Variants in FBXO42 observed in about 807,000 individuals in gnomAD.
FBXO42 encodes F-box only protein 42.
A neutral mutation model predicts 71.7 loss-of-function variants in FBXO42; 12 were observed. The ratio of observed to expected loss-of-function variants is 0.17; its 90% CI spans 0.11 to 0.27. The LOEUF (loss-of-function observed/expected upper bound fraction) is 0.27. Among genes scored for constraint, FBXO42 ranks in the 10% least tolerant of loss-of-function variants. The pLI is 1.00. For missense variants in FBXO42, 707 were observed against 911.9 expected, an observed-to-expected ratio of 0.78 and a Z score of 2.89; for synonymous variants, 325 against 327.5, an observed-to-expected ratio of 0.99 and a Z score of 0.08.
At chr1:16,345,833 G>A (rs140310238) in intron 1 of FBXO42, among the ~76,000 whole-genome samples, 2,849 of 142,196 alleles carry the variant, frequency 0.02, 75 homozygotes, top group African/African-American at 0.07. Context: ...GGGCGACAGA[G>A]CGAGACTCCG....
chr1:16,251,768 C>A lies in FBXO42; in HGVS notation c.1056G>T (p.Val352=), dbSNP rs2081594739. The A allele has an allele frequency of 6.2e-7, 1 of 1,613,312 alleles. No homozygotes were observed. Among genetic ancestry groups the A allele is most frequent in the Admixed American group, 1.7e-5 (1 of 59,990 alleles). The change falls in exon 10 of 10, where the codon GTG becomes GTT. Residue 352 remains valine (V), a synonymous_variant. Transcript: ENST00000375592. This position sits in a 1 kb window ranked among gnomAD's most constrained non-coding sequence, Gnocchi z 4.5. ...TCCCACTAGGAGCCTGGCTGAAGACCACCACACACTGTCCCACCTGGAAGA... is the reference window on the plus strand; with the variant it reads ...TCCCACTAGGAGCCTGGCTGAAGACAACCACACACTGTCCCACCTGGAAGA... ...HPACRVGQCV[V]VFSQAPSGRA...
chr1:16,261,722 T>C (rs1032052207), intron 4 of FBXO42, among the ~76,000 whole-genome samples: 2 of 151,916 alleles, frequency 1.3e-5, no homozygotes, highest in Non-Finnish European at 2.9e-5. Flanking sequence ...TTTTTGTTTT[T>C]GAGACGCGTC....
At chr1:16,271,921 C>T (rs1186514041) in intron 4 of FBXO42, among the ~76,000 whole-genome samples, 2 of 150,386 alleles carry the variant, frequency 1.3e-5, no homozygotes, top group Non-Finnish European at 3.0e-5. Flanking sequence ...GGTGGATCAC[C>T]TGAGGTCAGG....
intron 3 of FBXO42, among the ~76,000 whole-genome samples, chr1:16,298,068 T>C (rs2082150407): frequency 6.6e-6 from 1 of 150,772 alleles, no homozygotes; most frequent in African/African-American, 2.4e-5. Context: ...CTACTAAAAA[T>C]ACAAAAATTG....
intron 2 of FBXO42, among the ~76,000 whole-genome samples, chr1:16,313,783 T>A (rs562171834): frequency 6.6e-6 from 1 of 152,180 alleles, no homozygotes; most frequent in African/African-American, 2.4e-5. Context: ...AAAGAACACA[T>A]TGAGACAACC....
chr1:16,271,465 G>C (rs1283334736), intron 4 of FBXO42, among the ~76,000 whole-genome samples: 1 of 151,942 alleles, frequency 6.6e-6, no homozygotes, highest in Non-Finnish European at 1.5e-5. Flanking sequence ...ATTTTAAGTA[G>C]AGATGGGGTT....
chr1:16,294,841 G>A lies in FBXO42; in HGVS notation c.444C>T (p.Phe148=). The A allele has an allele frequency of 6.2e-7, 1 of 1,614,078 alleles. No homozygotes were observed. ...GCTQSSCNAA[F]NDLWRLDLNS... ...TTAGGTCAAGTCTCCAGAGGTCATTGAAAGCAGCATTGCAGCTGCTCTGGG... is the reference window on the plus strand; with the variant it reads ...TTAGGTCAAGTCTCCAGAGGTCATTAAAAGCAGCATTGCAGCTGCTCTGGG... The change falls in exon 4 of 10, where the codon TTC becomes TTT. Residue 148 remains phenylalanine (F), a synonymous_variant. Transcript: ENST00000375592.
At chr1:16,289,898 G>A (rs1429766315) in intron 4 of FBXO42, among the ~76,000 whole-genome samples, 1 of 152,132 alleles carries the variant, frequency 6.6e-6, no homozygotes, top group African/African-American at 2.4e-5. Context: ...CTGGATGACA[G>A]AGTAAGACCT....
chr1:16,274,506 A>C (rs1473178123), intron 4 of FBXO42, among the ~76,000 whole-genome samples: 1 of 151,898 alleles, frequency 6.6e-6, no homozygotes, highest in Admixed American at 6.6e-5. Context: ...TGTAAAAAAC[A>C]AAATCTCTGA....
At position 16,326,040 on chromosome 1, in the gene FBXO42, G is replaced by GTGTGTGTGTGTGTGTGTC. The variant is rs766515532; in HGVS notation, c.-17-10606_-17-10605insGACACACACACACACACA. On this transcript the variant is annotated intron_variant, in intron 1 of 9. Transcript: ENST00000375592. ...TGTGTGTGTGTGTGTGTGTGTGTGT[G>GTGTGTGTGTGTGTGTGTC]TGTGTGTGTCTGTGTGTGTCTGTGT... Among the ~76,000 whole-genome samples the GTGTGTGTGTGTGTGTGTC allele has an allele frequency of 1.5e-4, 23 of 150,384 alleles. 1 individual carries two copies. Among genetic ancestry groups the GTGTGTGTGTGTGTGTGTC allele is most frequent in the South Asian group, 4.2e-4 (2 of 4,754 alleles).
At position 16,254,978 on chromosome 1, in the gene FBXO42, A is replaced by G. The variant is rs577185535; in HGVS notation, c.767+733T>C. On this transcript the variant is annotated intron_variant, in intron 6 of 9. Coordinates refer to ENST00000375592, the MANE Select transcript of FBXO42 (RefSeq NM_018994.3). Reference sequence around the variant, plus strand: ...TTTTCATGCCCTTTACATGTGGCTCAACCAACCTATCACATTTGGAGGGCC... The same window carrying G: ...TTTTCATGCCCTTTACATGTGGCTCGACCAACCTATCACATTTGGAGGGCC... 7.2e-5 allele frequency among the ~76,000 whole-genome samples: 11 copies of G among 152,194 alleles called. No individual in the cohort carries two copies. The East Asian group carries it at 2.1e-3, about 29-fold the overall frequency.
chr1:16,274,556 G>A (rs1335807312), intron 4 of FBXO42, among the ~76,000 whole-genome samples: 1 of 131,484 alleles, frequency 7.6e-6, no homozygotes, highest in Non-Finnish European at 1.6e-5. Flanking sequence ...TATAAGTAAT[G>A]TATATCCCCC....
intron 4 of FBXO42, among the ~76,000 whole-genome samples, chr1:16,284,210 A>C (rs1044849674): frequency 6.6e-6 from 1 of 152,228 alleles, no homozygotes; most frequent in Non-Finnish European, 1.5e-5. Flanking sequence ...TACAATGTAC[A>C]TAATTATACA....
Position 16,253,616 on chromosome 1 carries a change from TA to T in FBXO42, c.864+18del, listed in dbSNP as rs1417566713. On this transcript the variant is annotated intron_variant, in intron 7 of 9. Coordinates refer to ENST00000375592, the MANE Select transcript of FBXO42 (RefSeq NM_018994.3). ...GACGCTACAGTGTTTGCTGAATAGTTATTTTAATTCCTGAGCACCTGAGATT... is the reference window on the plus strand; with the variant it reads ...GACGCTACAGTGTTTGCTGAATAGTTTTTTAATTCCTGAGCACCTGAGATT... 3 of 1,612,550 alleles carry T rather than the reference TA, an allele frequency of 1.9e-6. No homozygotes were observed. Among genetic ancestry groups the T allele is most frequent in the Non-Finnish European group, 2.5e-6 (3 of 1,178,612 alleles).
intron 2 of FBXO42, among the ~76,000 whole-genome samples, chr1:16,311,132 C>A (rs1451293990): frequency 7.2e-6 from 1 of 138,254 alleles, no homozygotes; most frequent in African/African-American, 2.8e-5. Context: ...AAGCCGAGAT[C>A]GCGCCCCTGC....
intron 4 of FBXO42, among the ~76,000 whole-genome samples, chr1:16,263,017 T>C (rs573847888): frequency 6.6e-6 from 1 of 152,156 alleles, no homozygotes; most frequent in African/African-American, 2.4e-5. Context: ...GTAATTTCTA[T>C]ATCAAAGAAT....
intron 4 of FBXO42, chr1:16,293,740 TAGACATTC>T (rs967194252): frequency 1.3e-5 from 2 of 152,244 alleles, no homozygotes; most frequent in African/African-American, 4.8e-5. Flanking sequence ...GTCCCTGGCC[TAGACATTC>T]ACAGTAGCGG....
chr1:16,255,495 C>T (rs570971460), intron 6 of FBXO42, among the ~76,000 whole-genome samples: 4 of 152,106 alleles, frequency 2.6e-5, no homozygotes, highest in East Asian at 3.9e-4. Context: ...CCACCATGCC[C>T]GGCTAATTTT....
chr1:16,288,276 A>G (rs896873631), intron 4 of FBXO42, among the ~76,000 whole-genome samples: 11 of 151,880 alleles, frequency 7.2e-5, no homozygotes, highest in South Asian at 2.1e-4. Flanking sequence ...CCAAAAATAC[A>G]AAAATTAGCT....
Sources: gnomAD v4.1 joint callset for allele counts (sites outside exome capture counted in the v4.1 genomes callset) on GRCh38, gnomAD v4.1.1 for gene constraint, Gnocchi (gnomAD v3.1) non-coding constraint, MANE v1.5 for transcripts, NCBI Gene and HGNC (gene_info 2026-07-23, HGNC 2026-07-21) for gene names.